Variants in ATRN observed in about 807,000 individuals in gnomAD.
ATRN encodes the protein attractin, also known as attractin-2.
A neutral mutation model predicts 178.7 loss-of-function variants in ATRN; 54 were observed. The observed-to-expected ratio is 0.30, with a 90% CI of 0.24 to 0.38. The LOEUF (loss-of-function observed/expected upper bound fraction) is 0.38. Ranked by LOEUF, ATRN falls within the 10% of genes least tolerant of loss-of-function variation. The pLI is 1.00. For missense variants in ATRN, 1,443 were observed against 1,815.1 expected (o/e 0.79, Z 3.73); for synonymous variants, 636 against 663.0 (o/e 0.96, Z 0.63).
intron 1 of ATRN, among the ~76,000 whole-genome samples, chr20:3,521,829 C>G (rs2085300672): frequency 6.6e-6 from 1 of 152,126 alleles, no homozygotes; most frequent in Non-Finnish European, 1.5e-5. Flanking sequence ...GCTCTGTCAC[C>G]CAGGCTGAAG....
At chr20:3,625,408 T>G (rs1330643869) in intron 25 of ATRN, among the ~76,000 whole-genome samples, 1 of 152,204 alleles carries the variant, frequency 6.6e-6, no homozygotes, top group Admixed American at 6.5e-5. Context: ...CACAGCTGCA[T>G]TGAACAGTGA....
chr20:3,637,329 G>A (rs558645379), intron 26 of ATRN, among the ~76,000 whole-genome samples: 391 of 152,232 alleles, frequency 2.6e-3, no homozygotes, highest in Non-Finnish European at 3.6e-3. Context: ...CACCAGCCCC[G>A]GTTTTAAGTG....
At chr20:3,610,128 C>A (rs1469044007) in intron 24 of ATRN, among the ~76,000 whole-genome samples, 1 of 151,992 alleles carries the variant, frequency 6.6e-6, no homozygotes, top group Non-Finnish European at 1.5e-5. Flanking sequence ...TTATATCTTA[C>A]TACAATAAAA....
At chr20:3,575,730 ACTT>A (rs2086199018) in intron 12 of ATRN, 94 bp from the exon 13 acceptor site, 1 of 1,343,282 alleles carries the variant, frequency 7.4e-7, no homozygotes, top group East Asian at 2.3e-5. Flanking sequence ...TCTTCATTTT[ACTT>A]CTTAACCATT....
At chr20:3,492,043 C>A (rs2084801506) in intron 1 of ATRN, among the ~76,000 whole-genome samples, 1 of 151,984 alleles carries the variant, frequency 6.6e-6, no homozygotes, top group Non-Finnish European at 1.5e-5. Flanking sequence ...GTTACAGAGA[C>A]CTGATAGCCA....
rs144906080 is a variant in ATRN, at chr20:3,638,080, C to T, written c.3943-748C>T. Among the ~76,000 whole-genome samples the T allele has an allele frequency of 3.3e-5, 5 of 152,274 alleles. No homozygotes were observed. Among genetic ancestry groups the T allele is most frequent in the African/African-American group, 7.2e-5 (3 of 41,550 alleles). ...CCATTTTATGTATTTGACAAGTCGACGTCATAGCATTAAATCCACAGTACT... is the reference window on the plus strand; with the variant it reads ...CCATTTTATGTATTTGACAAGTCGATGTCATAGCATTAAATCCACAGTACT... On this transcript the variant is annotated intron_variant, in intron 26 of 28. Coordinates refer to ENST00000262919, the MANE Select transcript of ATRN (RefSeq NM_139321.3). This position sits in a 1 kb window ranked among gnomAD's most constrained non-coding sequence, Gnocchi z 4.5.
At chr20:3,578,366 T>C (rs1420312477) in intron 14 of ATRN, among the ~76,000 whole-genome samples, 1 of 152,218 alleles carries the variant, frequency 6.6e-6, no homozygotes, top group East Asian at 1.9e-4. Context: ...CAGAATATGC[T>C]TTTTAGGATC....
intron 1 of ATRN, among the ~76,000 whole-genome samples, chr20:3,522,306 A>G (rs1262345262): frequency 2.0e-5 from 3 of 152,222 alleles, no homozygotes; most frequent in Non-Finnish European, 4.4e-5. Context: ...AAAAGTTTTT[A>G]TTAGAAAAGA....
At chr20:3,512,582 C>T (rs2085150478) in intron 1 of ATRN, among the ~76,000 whole-genome samples, 1 of 152,126 alleles carries the variant, frequency 6.6e-6, no homozygotes, top group Non-Finnish European at 1.5e-5. Flanking sequence ...GTGCATGTGT[C>T]TTTGTAGCAG....
intron 11 of ATRN, among the ~76,000 whole-genome samples, chr20:3,565,894 AT>A (rs2086029350): frequency 6.6e-6 from 1 of 151,068 alleles, no homozygotes. Context: ...TTTTTACAGG[AT>A]TATGTGGGTA....
chr20:3,604,010 A>C (rs1422927683), intron 23 of ATRN, 95 bp from the exon 24 acceptor site: 2 of 1,032,014 alleles, frequency 1.9e-6, no homozygotes, highest in Admixed American at 3.3e-5. Context: ...ATGTTTGATA[A>C]ATGCTATTGT....
At chr20:3,483,121 C>T (rs2084644242) in intron 1 of ATRN, among the ~76,000 whole-genome samples, 2 of 152,150 alleles carry the variant, frequency 1.3e-5, no homozygotes, top group Non-Finnish European at 2.9e-5. Flanking sequence ...ACTCTTATTA[C>T]AGAGAGTACA....
Position 3,566,268 on chromosome 20 carries a change from G to A in ATRN, c.1871+836G>A, listed in dbSNP as rs559682369. The stretch of plus-strand genomic sequence containing the variant: ...AGTCTGCAGTTCATTGCATTTTATC[G>A]CTCAAAAATGCCTGGCCCAAACTAC... On this transcript the variant is annotated intron_variant, in intron 11 of 28. Coordinates refer to ENST00000262919, the MANE Select transcript of ATRN (RefSeq NM_139321.3). 9.9e-5 allele frequency among the ~76,000 whole-genome samples: 15 copies of A among 152,146 alleles called. No individual in the cohort carries two copies. In the South Asian group the frequency reaches 3.1e-3, roughly 32 times the overall value.
chr20:3,617,741 C>T (rs2086862982), intron 24 of ATRN, among the ~76,000 whole-genome samples: 1 of 152,252 alleles, frequency 6.6e-6, no homozygotes, highest in South Asian at 2.1e-4. Flanking sequence ...GATTTGGCCT[C>T]CTACAGACAG....
At chr20:3,539,692 G>T (rs1283315115) in intron 2 of ATRN, among the ~76,000 whole-genome samples, 4 of 152,038 alleles carry the variant, frequency 2.6e-5, no homozygotes, top group Non-Finnish European at 4.4e-5. Context: ...CTACCCAGTG[G>T]TGTGGTATAG....
intron 1 of ATRN, among the ~76,000 whole-genome samples, chr20:3,485,455 G>A (rs562304142): frequency 3.3e-5 from 5 of 152,064 alleles, no homozygotes; most frequent in Admixed American, 2.0e-4. Flanking sequence ...TGATTATATT[G>A]ATTTTTGTCT....
Position 3,586,887 on chromosome 20 carries a change from CATCCTTGCCA to C in ATRN, c.3184+2010_3184+2019del, listed in dbSNP as rs536327915. Among the ~76,000 whole-genome samples the C allele has an allele frequency of 2.0e-3, 305 of 152,326 alleles. 1 individual carries two copies. The highest frequency in any genetic ancestry group is 7.1e-3 in the African/African-American group (295 of 41,590). On this transcript the variant is annotated intron_variant, in intron 18 of 28. Transcript: ENST00000262919. ...TCATATGAAGGTTCATATCTTTCCACATCCTTGCCAATACTTGTTACTATCTTTTTAATGA... is the reference window on the plus strand; with the variant it reads ...TCATATGAAGGTTCATATCTTTCCACATACTTGTTACTATCTTTTTAATGA...
intron 24 of ATRN, among the ~76,000 whole-genome samples, chr20:3,614,126 T>C (rs951312104): frequency 6.6e-6 from 1 of 152,194 alleles, no homozygotes; most frequent in Admixed American, 6.6e-5. Context: ...TGAAAAGTCC[T>C]GTTTCTGGGA....
chr20:3,584,685 T>C lies in ATRN; in HGVS notation c.2989T>C (p.Leu997=). The C allele has an allele frequency of 5.0e-6, 8 of 1,614,140 alleles. No homozygotes were observed. The highest frequency in any genetic ancestry group is 6.8e-6 in the Non-Finnish European group (8 of 1,179,998). The change falls in exon 18 of 29, where the codon TTG becomes CTG. Residue 997 remains leucine (L), a synonymous_variant. Coordinates refer to ENST00000262919, the MANE Select transcript of ATRN (RefSeq NM_139321.3). Reference sequence around the variant, plus strand: ...AGGCTACTGTACCTGTAGTCATTGCTTGGAGCAACCAGGCTGTGGCTGGTG... The same window carrying C: ...AGGCTACTGTACCTGTAGTCATTGCCTGGAGCAACCAGGCTGTGGCTGGTG... The part of the protein sequence containing the change: ...CSGYCTCSHC[L]EQPGCGWCTD...
Sources: gnomAD v4.1 joint callset for allele counts (sites outside exome capture counted in the v4.1 genomes callset) on GRCh38, gnomAD v4.1.1 for gene constraint, Gnocchi (gnomAD v3.1) non-coding constraint, MANE v1.5 for transcripts, NCBI Gene and HGNC (gene_info 2026-07-23, HGNC 2026-07-21) for gene names.